Variants in CDH11 observed in about 807,000 individuals in gnomAD.
The protein encoded by CDH11 is cadherin 11.
In CDH11, 11 loss-of-function variants were observed where a neutral mutation model predicts 67.8. The ratio of observed to expected loss-of-function variants is 0.16; its 90% CI spans 0.10 to 0.27. CDH11 has a LOEUF of 0.27. CDH11 is among the 10% of genes least tolerant of loss of function. The probability of loss-of-function intolerance (pLI) is 1.00; values close to 1 mark genes in which losing one functional copy is unlikely to be tolerated. For missense variants in CDH11, 847 were observed against 1,031.2 expected, an observed-to-expected ratio of 0.82 and a Z score of 2.45; for synonymous variants, 419 against 400.0, an observed-to-expected ratio of 1.05 and a Z score of -0.57.
At chr16:64,991,592 A>ATTG (rs1214996875) in intron 6 of CDH11, 176 bp downstream of exon 6, 21 of 525,950 alleles carry the variant, frequency 4.0e-5, no homozygotes, top group Middle Eastern at 5.1e-4. Flanking sequence ...ACTCCCCGAC[A>ATTG]TTGTTGTTGT....
At chr16:65,007,462 A>G (rs778530104) in intron 2 of CDH11, among the ~76,000 whole-genome samples, 2 of 152,190 alleles carry the variant, frequency 1.3e-5, no homozygotes, top group Non-Finnish European at 2.9e-5. Flanking sequence ...AGGCACTTTA[A>G]TAATACATCA....
At chr16:64,998,954 C>T (rs896932383) in intron 3 of CDH11, 98 bp from the exon 4 acceptor site, 56 of 942,942 alleles carry the variant, frequency 5.9e-5, no homozygotes, top group Middle Eastern at 2.2e-4. Flanking sequence ...CACACACACA[C>T]GTCATGAAAG....
rs116573248 is a variant in CDH11, at chr16:64,954,185, C to T, written c.1643-3167G>A. 5.9e-3 allele frequency among the ~76,000 whole-genome samples: 903 copies of T among 152,270 alleles called. 11 individuals are homozygous for T. The highest frequency in any genetic ancestry group is 0.019 in the African/African-American group (795 of 41,556). On this transcript the variant is annotated intron_variant, in intron 11 of 12. Coordinates refer to ENST00000268603, the MANE Select transcript of CDH11 (RefSeq NM_001797.4). ...CCTCTCCGACACACAGAAACCACTA[C>T]GTAAAAGCTCATCAAAGCACCCAGC...
chr16:64,969,887 G>A (rs961930241), intron 11 of CDH11, among the ~76,000 whole-genome samples: 23 of 152,288 alleles, frequency 1.5e-4, no homozygotes, highest in African/African-American at 5.5e-4. Flanking sequence ...TGAGGGTTGT[G>A]TGTTTCTGGT....
chr16:65,056,375 A>G (rs917951439), intron 1 of CDH11, among the ~76,000 whole-genome samples: 5 of 152,214 alleles, frequency 3.3e-5, no homozygotes, highest in Non-Finnish European at 7.3e-5. Flanking sequence ...ATATTCATGT[A>G]ACTCCAGCCA....
intron 1 of CDH11, among the ~76,000 whole-genome samples, chr16:65,076,568 G>A (rs1029257149): frequency 1.1e-4 from 16 of 152,000 alleles, no homozygotes; most frequent in African/African-American, 3.4e-4. Flanking sequence ...TGGGATACAC[G>A]TGCAGAACAT....
intron 1 of CDH11, among the ~76,000 whole-genome samples, chr16:65,081,939 G>A (rs2074618104): frequency 1.3e-5 from 2 of 152,120 alleles, no homozygotes. Flanking sequence ...GGGAAGCAGG[G>A]GGAGAAAAGG....
At chr16:65,005,163 G>T (rs564823642) in intron 2 of CDH11, 122 bp from the exon 3 acceptor site, 3 of 843,176 alleles carry the variant, frequency 3.6e-6, no homozygotes, top group Admixed American at 7.8e-5. Flanking sequence ...CTTTGGGGAA[G>T]CTCACTGACT....
At chr16:65,090,453 C>T (rs902099800) in intron 1 of CDH11, among the ~76,000 whole-genome samples, 8 of 152,238 alleles carry the variant, frequency 5.3e-5, no homozygotes, top group African/African-American at 1.9e-4. Flanking sequence ...CTTTCTTAAG[C>T]CTTATTCTCC....
At chr16:65,086,112 G>C (rs1312364372) in intron 1 of CDH11, among the ~76,000 whole-genome samples, 1 of 152,132 alleles carries the variant, frequency 6.6e-6, no homozygotes, top group East Asian at 1.9e-4. Flanking sequence ...TTTGCCAATG[G>C]CATTGATTCA....
intron 2 of CDH11, among the ~76,000 whole-genome samples, chr16:65,014,304 C>G (rs2073248859): frequency 7.1e-6 from 1 of 141,180 alleles, no homozygotes; most frequent in Non-Finnish European, 1.6e-5. Context: ...TTTCTAGAAG[C>G]CATATATTTA....
Position 64,975,071 on chromosome 16 carries a change from C to T in CDH11, c.1254-2031G>A, listed in dbSNP as rs576429298. On this transcript the variant is annotated intron_variant, in intron 8 of 12. Transcript: ENST00000268603. Reference sequence around the variant, plus strand: ...GCTCAAGTCATCCTTCTGCCTCAGGCTCCTGGGTAGCTGGGATTGTAGGAA... The same window carrying T: ...GCTCAAGTCATCCTTCTGCCTCAGGTTCCTGGGTAGCTGGGATTGTAGGAA... Among the ~76,000 whole-genome samples the T allele has an allele frequency of 7.9e-5, 12 of 152,288 alleles. No homozygotes were observed. In the East Asian group the frequency reaches 2.3e-3, roughly 29 times the overall value.
chr16:65,115,837 G>T (rs1215414432), intron 1 of CDH11, among the ~76,000 whole-genome samples: 1 of 152,082 alleles, frequency 6.6e-6, no homozygotes, highest in Non-Finnish European at 1.5e-5. Context: ...CACTTTGGGA[G>T]GCCAAGGCAG....
intron 2 of CDH11, among the ~76,000 whole-genome samples, chr16:65,041,712 G>A (rs942208596): frequency 2.0e-5 from 3 of 152,182 alleles, no homozygotes; most frequent in African/African-American, 4.8e-5. Flanking sequence ...TATTCTCCGC[G>A]TTTGCTTGAG....
In CDH11 at chr16:65,121,755, A is replaced by C; in HGVS notation, c.-298+125T>G. ...GCTTTGCGTTAGTGAAGCCTTCTCG[A>C]CTCAGATACCACCGTCCCCCTCACC... On this transcript the variant is annotated intron_variant, in intron 1 of 12. Transcript: ENST00000268603. The surrounding 1 kb of genome is among the most constrained non-coding windows in gnomAD (Gnocchi z 4.1). 1.4e-6 allele frequency: 1 copy of C among 692,934 alleles called. No homozygotes were observed. Among genetic ancestry groups the C allele is most frequent in the Non-Finnish European group, 2.6e-6 (1 of 381,594 alleles). The allele number at this position is 692,934 out of a possible 1,614,324, so 42.9% of individuals were successfully genotyped here.
At chr16:65,020,753 C>A (rs1313164579) in intron 2 of CDH11, among the ~76,000 whole-genome samples, 2 of 152,024 alleles carry the variant, frequency 1.3e-5, no homozygotes, top group Admixed American at 6.6e-5. Context: ...TTCTTTAAGT[C>A]AGTTAGATCT....
At chr16:65,015,015 T>TTTTTTA (rs375237386) in intron 2 of CDH11, among the ~76,000 whole-genome samples, 2 of 135,890 alleles carry the variant, frequency 1.5e-5, no homozygotes, top group African/African-American at 2.8e-5. Context: ...GCCTGGCTAA[T>TTTTTTA]TTATTATTAT....
At chr16:65,016,231 T>A (rs1387298893) in intron 2 of CDH11, among the ~76,000 whole-genome samples, 1 of 151,972 alleles carries the variant, frequency 6.6e-6, no homozygotes, top group African/African-American at 2.4e-5. Flanking sequence ...AATAGCCTCA[T>A]AATGATCTCA....
intron 2 of CDH11, among the ~76,000 whole-genome samples, chr16:65,034,979 T>G (rs891923322): frequency 1.3e-5 from 2 of 152,180 alleles, no homozygotes. Flanking sequence ...GAGGAGGCTT[T>G]GAAATCTGCA....
Sources: gnomAD v4.1 joint callset for allele counts (sites outside exome capture counted in the v4.1 genomes callset) on GRCh38, gnomAD v4.1.1 for gene constraint, Gnocchi (gnomAD v3.1) non-coding constraint, MANE v1.5 for transcripts, NCBI Gene and HGNC (gene_info 2026-07-23, HGNC 2026-07-21) for gene names.